ZNF385B: variants seen among roughly 807,000 people sequenced by gnomAD.
ZNF385B encodes zinc finger protein 533.
ZNF385B carries 23 observed loss-of-function variants against 39.2 expected under a neutral mutation model. The observed-to-expected ratio is 0.59, with a 90% confidence interval of 0.42 to 0.83. The LOEUF (loss-of-function observed/expected upper bound fraction) is 0.83, where lower values mean the gene tolerates loss of function less well. Ranked by LOEUF, ZNF385B falls within the 40% of genes least tolerant of loss-of-function variation. ZNF385B has a pLI of 0.00. For missense variants in ZNF385B, 552 were observed against 598.9 expected (o/e 0.92, Z 0.82); for synonymous variants, 205 against 222.6 (o/e 0.92, Z 0.70).
intron 3 of ZNF385B, among the ~76,000 whole-genome samples, chr2:179,723,732 T>A (rs373893260): frequency 3.3e-5 from 5 of 152,178 alleles, no homozygotes; most frequent in African/African-American, 1.2e-4. Flanking sequence ...GGTTTTATTT[T>A]TGAATAAGGG....
At chr2:179,818,075 T>G (rs996303808) in intron 1 of ZNF385B, among the ~76,000 whole-genome samples, 15 of 152,036 alleles carry the variant, frequency 9.9e-5, no homozygotes, top group African/African-American at 3.6e-4. Flanking sequence ...ATGTTGCATG[T>G]GTGTAATATG....
chr2:179,493,620 T>C (rs1224045803), intron 5 of ZNF385B, among the ~76,000 whole-genome samples: 1 of 115,424 alleles, frequency 8.7e-6, no homozygotes, highest in Non-Finnish European at 1.8e-5. Flanking sequence ...TACGTACATA[T>C]ATGTATACGC....
intron 4 of ZNF385B, among the ~76,000 whole-genome samples, chr2:179,533,240 GCTGT>G (rs566754220): frequency 1.2e-4 from 19 of 152,232 alleles, no homozygotes; most frequent in African/African-American, 3.6e-4. Context: ...TATGCTACAG[GCTGT>G]CTTTCTACCT....
intron 6 of ZNF385B, among the ~76,000 whole-genome samples, 153 bp downstream of exon 6, chr2:179,483,119 C>A (rs1275444410): frequency 6.6e-6 from 1 of 151,918 alleles, no homozygotes; most frequent in Non-Finnish European, 1.5e-5. Context: ...AGATTCTGTG[C>A]AAACATATAA....
intron 3 of ZNF385B, among the ~76,000 whole-genome samples, chr2:179,709,868 CT>C: frequency 6.6e-6 from 1 of 152,294 alleles, no homozygotes; most frequent in Non-Finnish European, 1.5e-5. Context: ...CACAGAGCTA[CT>C]GCAGGCATAT....
intron 3 of ZNF385B, among the ~76,000 whole-genome samples, chr2:179,718,771 G>C (rs1248661931): frequency 2.0e-5 from 3 of 150,218 alleles, no homozygotes; most frequent in Non-Finnish European, 4.4e-5. Flanking sequence ...GGTAGACCTA[G>C]AGAAGAGGCT....
intron 3 of ZNF385B, among the ~76,000 whole-genome samples, chr2:179,632,978 A>G (rs192656312): frequency 6.6e-6 from 1 of 152,330 alleles, no homozygotes. Context: ...TCCTGGACGC[A>G]TAGACCCTCC....
At chr2:179,465,172 C>T (rs997136371) in intron 6 of ZNF385B, among the ~76,000 whole-genome samples, 2 of 152,028 alleles carry the variant, frequency 1.3e-5, no homozygotes, top group African/African-American at 4.8e-5. Context: ...ATGAAATTTC[C>T]CCTGACTGGT....
intron 5 of ZNF385B, among the ~76,000 whole-genome samples, chr2:179,488,958 T>C (rs1044097751): frequency 6.6e-6 from 1 of 151,990 alleles, no homozygotes; most frequent in Non-Finnish European, 1.5e-5. Flanking sequence ...AGAATGGTGG[T>C]TGGAAGAAAA....
At chr2:179,632,455 G>A (rs1280849381) in intron 3 of ZNF385B, among the ~76,000 whole-genome samples, 1 of 152,060 alleles carries the variant, frequency 6.6e-6, no homozygotes, top group Non-Finnish European at 1.5e-5. Flanking sequence ...ATGACTACTG[G>A]GTAAATAAGG....
Position 179,580,857 on chromosome 2 carries a change from A to G in ZNF385B, c.299-35888T>C, listed in dbSNP as rs78163119. Among the ~76,000 whole-genome samples the G allele has an allele frequency of 7.2e-5, 11 of 152,326 alleles. No individual in the cohort carries two copies. The East Asian group carries it at 1.5e-3, about 21-fold the overall frequency. ...CGTCACATTGCAAAGAGCAGGGCCA[A>G]CTGAACTCTGTCGAGCTGCCAGCTA... On this transcript the variant is annotated intron_variant, in intron 3 of 9. Transcript: ENST00000410066.
chr2:179,760,376 C>T (rs1703310058), intron 3 of ZNF385B, among the ~76,000 whole-genome samples: 1 of 152,034 alleles, frequency 6.6e-6, no homozygotes, highest in Admixed American at 6.6e-5. Context: ...AATTTGTCCT[C>T]TACTTCTACA....
At chr2:179,728,110 A>T (rs1701139558) in intron 3 of ZNF385B, among the ~76,000 whole-genome samples, 1 of 152,134 alleles carries the variant, frequency 6.6e-6, no homozygotes, top group Non-Finnish European at 1.5e-5. Context: ...ACAAAAATCA[A>T]TGAGAAAGTT....
Position 179,483,054 on chromosome 2 carries a change from T to A in ZNF385B, c.715+218A>T, listed in dbSNP as rs150231674. On this transcript the variant is annotated intron_variant, in intron 6 of 9. Transcript: ENST00000410066. ...ATATATATATATTTACATATACACATATATACTTAAACGTATATATTTAAT... is the reference window on the plus strand; with the variant it reads ...ATATATATATATTTACATATACACAAATATACTTAAACGTATATATTTAAT... Among the ~76,000 whole-genome samples the A allele has an allele frequency of 3.3e-5, 5 of 151,518 alleles. No homozygotes were observed. The East Asian group carries it at 9.7e-4, about 29-fold the overall frequency.
intron 3 of ZNF385B, among the ~76,000 whole-genome samples, chr2:179,583,276 C>T (rs1686742336): frequency 2.0e-5 from 3 of 152,018 alleles, no homozygotes; most frequent in African/African-American, 4.8e-5. Flanking sequence ...CAAAGCAATC[C>T]TGTATTTCAG....
At chr2:179,752,946 C>A (rs1575423090) in intron 3 of ZNF385B, among the ~76,000 whole-genome samples, 1 of 152,126 alleles carries the variant, frequency 6.6e-6, no homozygotes, top group African/African-American at 2.4e-5. Context: ...AATTAGATCC[C>A]ATTTGTCAAT....
chr2:179,708,339 C>T (rs186097685), intron 3 of ZNF385B, among the ~76,000 whole-genome samples: 2 of 152,312 alleles, frequency 1.3e-5, no homozygotes, highest in African/African-American at 2.4e-5. Context: ...TGCCTTCCAC[C>T]CTCCCCAGCC....
intron 1 of ZNF385B, among the ~76,000 whole-genome samples, chr2:179,832,780 G>T (rs1708050767): frequency 1.3e-5 from 2 of 152,158 alleles, no homozygotes; most frequent in Non-Finnish European, 1.5e-5. Flanking sequence ...TATGCTTAGA[G>T]AAAATAGTCA....
At chr2:179,696,546 T>C (rs547842992) in intron 3 of ZNF385B, among the ~76,000 whole-genome samples, 9 of 152,076 alleles carry the variant, frequency 5.9e-5, no homozygotes, top group Admixed American at 5.2e-4. Context: ...TGTCTTCAAA[T>C]AAGAAGAAAT....
Sources: allele counts gnomAD v4.1 joint callset (sites outside exome capture counted in the v4.1 genomes callset), GRCh38; gene constraint gnomAD v4.1.1; transcripts MANE v1.5; gene names NCBI Gene and HGNC (gene_info 2026-07-23, HGNC 2026-07-21).